UNC13B: variants seen among roughly 807,000 people sequenced by gnomAD.
UNC13B encodes unc-13 homolog B, also known as protein unc-13 homolog B.
In UNC13B, 144 loss-of-function variants were observed where a neutral mutation model predicts 211.0. The observed-to-expected ratio is 0.68, with a 90% CI of 0.60 to 0.78. The LOEUF (loss-of-function observed/expected upper bound fraction) is 0.78. UNC13B is among the 30% of genes least tolerant of loss of function. The pLI, the probability that UNC13B is intolerant of heterozygous loss-of-function variation, is 0.00. For synonymous variants in UNC13B, 709 were observed against 725.8 expected, an observed-to-expected ratio of 0.98 and a Z score of 0.37; for missense variants, 1,777 against 2,002.0, an observed-to-expected ratio of 0.89 and a Z score of 2.14.
chr9:35,366,225 G>A (rs1007127420), intron 11 of UNC13B, among the ~76,000 whole-genome samples: 2 of 152,176 alleles, frequency 1.3e-5, no homozygotes, highest in South Asian at 2.1e-4. Context: ...CTGCTTGAAG[G>A]ATTTGCTTTT....
chr9:35,328,286 A>T (rs1251524930), intron 11 of UNC13B, among the ~76,000 whole-genome samples: 1 of 152,146 alleles, frequency 6.6e-6, no homozygotes, highest in Non-Finnish European at 1.5e-5. Context: ...GACCTACCAA[A>T]GTGCTGGGAT....
intron 4 of UNC13B, 50 bp downstream of exon 4, chr9:35,236,636 C>T (rs1361095085): frequency 2.0e-6 from 3 of 1,490,738 alleles, no homozygotes; most frequent in Non-Finnish European, 2.8e-6. Flanking sequence ...GCCCATGCTT[C>T]TCCCCATGCT....
intron 36 of UNC13B, 23 bp downstream of exon 36, chr9:35,399,752 A>G (rs1836162916): frequency 6.2e-7 from 1 of 1,612,708 alleles, no homozygotes. Context: ...CCTTTTTCAG[A>G]CAGTCTTAAC....
At chr9:35,357,450 A>G (rs188033394) in intron 11 of UNC13B, among the ~76,000 whole-genome samples, 2 of 151,992 alleles carry the variant, frequency 1.3e-5, no homozygotes, top group African/African-American at 2.4e-5. Flanking sequence ...TTTGAGCTGT[A>G]AGAATTCTTT....
At chr9:35,342,356 C>G (rs778373733) in intron 11 of UNC13B, 47 of 985,414 alleles carry the variant, frequency 4.8e-5, no homozygotes, top group Non-Finnish European at 5.5e-5. Context: ...TAAGTGGTAC[C>G]GAGTGTGTAT....
At chr9:35,383,701 G>T (rs1702193093) in intron 21 of UNC13B, among the ~76,000 whole-genome samples, 1 of 146,006 alleles carries the variant, frequency 6.8e-6, no homozygotes, top group African/African-American at 2.4e-5. Flanking sequence ...CATTTAAAAA[G>T]TATACACTAT....
chr9:35,265,576 G>C (rs1175109623), intron 7 of UNC13B, among the ~76,000 whole-genome samples: 1 of 152,146 alleles, frequency 6.6e-6, no homozygotes, highest in Non-Finnish European at 1.5e-5. Context: ...GGAAAAGAAT[G>C]ATCAAAATAT....
At chr9:35,369,601 A>T (rs1457018575) in intron 12 of UNC13B, among the ~76,000 whole-genome samples, 1 of 152,242 alleles carries the variant, frequency 6.6e-6, no homozygotes, top group African/African-American at 2.4e-5. Flanking sequence ...ATTTTTCTCC[A>T]GGCTCTGTTG....
chr9:35,287,337 G>A (rs1270238420), intron 7 of UNC13B, among the ~76,000 whole-genome samples: 1 of 151,864 alleles, frequency 6.6e-6, no homozygotes, highest in African/African-American at 2.4e-5. Context: ...TCACCATGTT[G>A]GCCAGGCTAG....
At chr9:35,185,329 A>AGAAT (rs1822299663) in intron 1 of UNC13B, among the ~76,000 whole-genome samples, 2 of 152,328 alleles carry the variant, frequency 1.3e-5, no homozygotes, top group Admixed American at 1.3e-4. Context: ...GCCTTGCACT[A>AGAAT]GAATAGTCCT....
chr9:35,396,371 A>G (rs1835875788), intron 26 of UNC13B, 105 bp from the exon 27 acceptor site: 2 of 1,457,916 alleles, frequency 1.4e-6, no homozygotes, highest in African/African-American at 1.4e-5. Context: ...CCCTTGTCCT[A>G]AGACATCTGA....
chr9:35,210,775 C>T (rs1157451543), intron 1 of UNC13B, among the ~76,000 whole-genome samples: 1 of 152,262 alleles, frequency 6.6e-6, no homozygotes, highest in Non-Finnish European at 1.5e-5. Flanking sequence ...CTGCCCACAC[C>T]GTCCTCCCAA....
At chr9:35,375,618 G>C (rs1035165558) in intron 14 of UNC13B, among the ~76,000 whole-genome samples, 6 of 152,196 alleles carry the variant, frequency 3.9e-5, no homozygotes, top group African/African-American at 1.4e-4. Context: ...TTCATTGCCA[G>C]AGGAGACACG....
chr9:35,367,607 C>T (rs1833855706), intron 12 of UNC13B, among the ~76,000 whole-genome samples: 1 of 150,858 alleles, frequency 6.6e-6, no homozygotes, highest in African/African-American at 2.5e-5. Context: ...TTCATTCTAT[C>T]CATTCCATTG....
At chr9:35,270,667 A>G (rs750168178) in intron 7 of UNC13B, among the ~76,000 whole-genome samples, 5 of 152,162 alleles carry the variant, frequency 3.3e-5, no homozygotes, top group African/African-American at 1.2e-4. Flanking sequence ...AAATTTTATA[A>G]TGTCATCAGT....
At position 35,397,321 on chromosome 9, in the gene UNC13B, C is replaced by T. The variant is rs1564197208; in HGVS notation, c.11676+11C>T. ...AGGAGGTTTGCTAAGGTGACCATAA[C>T]TCTTCCTACTCCCTCCCCCTTACCA... is the stretch of plus-strand genomic sequence containing the variant. On this transcript the variant is annotated intron_variant, in intron 29 of 39. Transcript: ENST00000635942. 1.2e-6 allele frequency: 2 copies of T among 1,612,540 alleles called. No individual in the cohort carries two copies. The highest frequency in any genetic ancestry group is 2.2e-5 in the East Asian group (1 of 44,832).
At chr9:35,285,871 T>G (rs1239870188) in intron 7 of UNC13B, among the ~76,000 whole-genome samples, 1 of 152,208 alleles carries the variant, frequency 6.6e-6, no homozygotes, top group Non-Finnish European at 1.5e-5. Context: ...GTTTGTTGAC[T>G]GATTGGACAT....
At chr9:35,402,697 T>C (rs1216289437) in intron 37 of UNC13B, among the ~76,000 whole-genome samples, 1 of 151,954 alleles carries the variant, frequency 6.6e-6, no homozygotes, top group Non-Finnish European at 1.5e-5. Flanking sequence ...TTGAGGGGGA[T>C]GAAGTATTTC....
intron 11 of UNC13B, chr9:35,352,729 A>T: frequency 8.1e-7 from 1 of 1,232,196 alleles, no homozygotes; most frequent in Non-Finnish European, 1.0e-6. Context: ...CATCAAGAAC[A>T]TCTCAAGTTA....
Sources: gnomAD v4.1 joint callset for allele counts (sites outside exome capture counted in the v4.1 genomes callset) on GRCh38, gnomAD v4.1.1 for gene constraint, MANE v1.5 for transcripts, NCBI Gene and HGNC (gene_info 2026-07-23, HGNC 2026-07-21) for gene names.